The following DCAF1 variants were observed in gnomAD, a reference collection of about 807,000 sequenced individuals.
DCAF1 encodes the protein DDB1 and CUL4 associated factor 1, also known as DDB1- and CUL4-associated factor 1.
In DCAF1, 15 loss-of-function variants were observed where a neutral mutation model predicts 128.0. That is an observed-to-expected ratio of 0.12 (90% confidence interval 0.08 to 0.18). DCAF1 has a LOEUF of 0.18. DCAF1 is among the 10% of genes least tolerant of loss of function. The pLI, the probability that DCAF1 is intolerant of heterozygous loss-of-function variation, is 1.00. For missense variants in DCAF1, 988 were observed against 1,649.5 expected, an observed-to-expected ratio of 0.60 and a Z score of 6.95; for synonymous variants, 610 against 603.0, an observed-to-expected ratio of 1.01 and a Z score of -0.17.
chr3:51,460,885 C>T (rs1703479083), intron 6 of DCAF1, among the ~76,000 whole-genome samples: 1 of 150,368 alleles, frequency 6.7e-6, no homozygotes. Flanking sequence ...TGGATCCCTT[C>T]CTTACACCTT....
intron 23 of DCAF1, among the ~76,000 whole-genome samples, chr3:51,407,950 G>A (rs1332234686): frequency 6.0e-5 from 7 of 116,228 alleles, no homozygotes; most frequent in East Asian, 2.9e-4. Context: ...GCAACACTGC[G>A]CTCCAGCCTG....
At chr3:51,505,576 T>G in the DCAF1 span, among the ~76,000 whole-genome samples, 17 of 152,306 alleles carry the variant, frequency 1.1e-4, no homozygotes, top group Admixed American at 8.5e-4. Context: ...GTGTGAAAAG[T>G]CTCATGATGT....
chr3:51,458,887 C>T (rs1435949777), intron 6 of DCAF1, among the ~76,000 whole-genome samples: 13 of 152,204 alleles, frequency 8.5e-5, no homozygotes, highest in African/African-American at 3.1e-4. Context: ...ACAAAACATA[C>T]CAGAATCTCT....
chr3:51,424,627 A>G (rs192613558), intron 13 of DCAF1, among the ~76,000 whole-genome samples: 63 of 152,288 alleles, frequency 4.1e-4, no homozygotes, highest in Middle Eastern at 3.4e-3. Context: ...CCAAACAAAA[A>G]CACTAAATTA....
At chr3:51,501,875 C>T (rs1342657802), upstream of DCAF1, among the ~76,000 whole-genome samples, 2 of 152,104 alleles carry the variant, frequency 1.3e-5, no homozygotes, top group African/African-American at 4.8e-5. Context: ...CCAAGTGTTC[C>T]AGCCACACTC....
At chr3:51,474,236 T>C (rs1705151293) in intron 3 of DCAF1, among the ~76,000 whole-genome samples, 1 of 151,954 alleles carries the variant, frequency 6.6e-6, no homozygotes, top group Non-Finnish European at 1.5e-5. Context: ...CTGACCAACA[T>C]GGAGAAACCC....
chr3:51,451,672 G>A (rs782317623), intron 6 of DCAF1, among the ~76,000 whole-genome samples: 3 of 151,132 alleles, frequency 2.0e-5, no homozygotes, highest in African/African-American at 4.9e-5. Context: ...CGAGGCAGGA[G>A]ACTCCCTTGA....
downstream of DCAF1, chr3:51,395,872 G>A (rs1228771959): frequency 1.2e-5 from 5 of 413,426 alleles, no homozygotes; most frequent in Non-Finnish European, 1.8e-5. Flanking sequence ...ACAAAGACAT[G>A]TTAAGCATGT....
chr3:51,396,676 C>T (rs549008811), downstream of DCAF1: 5 of 167,256 alleles, frequency 3.0e-5, no homozygotes, highest in African/African-American at 1.2e-4. Flanking sequence ...CAGCTGATGC[C>T]TCCTTAGCCC....
intron 23 of DCAF1, 139 bp from the exon 24 acceptor site, chr3:51,403,534 G>A (rs1389001507): frequency 2.1e-6 from 3 of 1,413,874 alleles, no homozygotes; most frequent in Admixed American, 2.6e-5. Context: ...CAGACTTCAT[G>A]AGCCAGCCAG....
At chr3:51,490,696 G>GCA (rs1553657579) in intron 2 of DCAF1, among the ~76,000 whole-genome samples, 8 of 150,186 alleles carry the variant, frequency 5.3e-5, no homozygotes, top group African/African-American at 1.7e-4. Flanking sequence ...AGGCCAAGAT[G>GCA]GGTGGATCAC....
Position 51,441,371 on chromosome 3 carries a change from C to A in DCAF1, c.1026+14G>T, listed in dbSNP as rs782410129. On this transcript the variant is annotated intron_variant, in intron 8 of 24. Coordinates refer to ENST00000684031, the MANE Select transcript of DCAF1 (RefSeq NM_001387579.1). ...ATTCCTATGTGTGAACAGTACTCTT[C>A]CCAATAAGCTTACCTCCTGATATTC... 14 of 1,607,088 alleles carry A rather than the reference C, an allele frequency of 8.7e-6. No individual in the cohort carries two copies. Among genetic ancestry groups the A allele is most frequent in the Non-Finnish European group, 1.1e-5 (13 of 1,176,400 alleles).
At chr3:51,415,274 C>A (rs1698775754) in intron 18 of DCAF1, among the ~76,000 whole-genome samples, 1 of 152,132 alleles carries the variant, frequency 6.6e-6, no homozygotes, top group South Asian at 2.1e-4. Flanking sequence ...AAGTGGATCA[C>A]TTGAGCCCAG....
intron 6 of DCAF1, among the ~76,000 whole-genome samples, chr3:51,449,536 C>T (rs1251703558): frequency 1.3e-5 from 2 of 151,856 alleles, no homozygotes; most frequent in East Asian, 1.9e-4. Flanking sequence ...CAAACACATG[C>T]AATTAAAAAA....
chr3:51,425,691 T>C (rs1699849309), intron 13 of DCAF1, among the ~76,000 whole-genome samples: 1 of 150,354 alleles, frequency 6.7e-6, no homozygotes, highest in South Asian at 2.2e-4. Context: ...GCGTCCCTAG[T>C]AGCTGGGACT....
chr3:51,440,832 G>C, intron 9 of DCAF1, 138 bp downstream of exon 9: 1 of 623,662 alleles, frequency 1.6e-6, no homozygotes, highest in South Asian at 2.0e-5. Context: ...CTTGAACCCA[G>C]GAGGCGGAGG....
rs1698525883 is a variant in DCAF1 at position 51,412,558 on chromosome 3, C to T, written c.4111-78G>A. ...ATCCACGCCTCAGCCCTGACTGGTG[C>T]CCATGACCTTGACCCTGTAATTATT... On this transcript the variant is annotated intron_variant, in intron 22 of 24. Transcript: ENST00000684031. 29 of 1,594,296 alleles carry T rather than the reference C, an allele frequency of 1.8e-5. No homozygotes were observed. The South Asian group carries it at 2.7e-4, about 15-fold the overall frequency.
At chr3:51,505,533 A>G in the DCAF1 span, among the ~76,000 whole-genome samples, 1 of 152,162 alleles carries the variant, frequency 6.6e-6, no homozygotes, top group African/African-American at 2.4e-5. Flanking sequence ...ACCGTGGGGA[A>G]GTTCTTCATC....
chr3:51,470,938 G>T lies in DCAF1; in HGVS notation c.178C>A (p.Arg60=), dbSNP rs782087357. The stretch of plus-strand genomic sequence containing the variant: ...AGAGCACAAATCTTACCAGGATGTC[G>T]ATCATCAAATGGGTCTGGATCCCCT... ...RKGDPDPFDD[R]HPGRADPECM... is the part of the protein sequence containing the mutation. Residue 60 remains arginine (R), a synonymous_variant, in exon 4 of 25, where the codon CGA becomes AGA. Transcript: ENST00000684031. The T allele has an allele frequency of 6.0e-5, 96 of 1,592,744 alleles. 1 individual carries two copies. Among genetic ancestry groups the T allele is most frequent in the Admixed American group, 2.0e-4 (12 of 59,364 alleles).
Sources: allele counts gnomAD v4.1 joint callset (sites outside exome capture counted in the v4.1 genomes callset), GRCh38; gene constraint gnomAD v4.1.1; transcripts MANE v1.5; gene names NCBI Gene and HGNC (gene_info 2026-07-23, HGNC 2026-07-21).